Variants in CCND1 observed in about 807,000 individuals in gnomAD.
CCND1 encodes the protein cyclin D1.
CCND1 carries 9 observed loss-of-function variants against 26.1 expected under a neutral mutation model. The ratio of observed to expected loss-of-function variants is 0.35; its 90% confidence interval spans 0.21 to 0.60. The LOEUF (loss-of-function observed/expected upper bound fraction) is 0.60. Ranked by LOEUF, CCND1 falls within the 20% of genes least tolerant of loss-of-function variation. The probability of loss-of-function intolerance (pLI) is 0.79; values close to 1 mark genes in which losing one functional copy is unlikely to be tolerated. For synonymous variants in CCND1, 194 were observed against 166.1 expected, an observed-to-expected ratio of 1.17 and a Z score of -1.29; for missense variants, 335 against 392.9, an observed-to-expected ratio of 0.85 and a Z score of 1.25.
chr11:69,642,126 G>C (rs1356339467), intron 1 of CCND1, among the ~76,000 whole-genome samples: 1 of 152,126 alleles, frequency 6.6e-6, no homozygotes, highest in Non-Finnish European at 1.5e-5. Context: ...GGTAGTTTTG[G>C]GGGGACGCCG....
In CCND1 at chr11:69,654,145, G is replaced by T; in HGVS notation, c.*2863G>T. 1 of 456,974 alleles carries T rather than the reference G, an allele frequency of 2.2e-6. No individual in the cohort carries two copies. The highest frequency in any genetic ancestry group is 1.6e-5 in the South Asian group (1 of 62,146). The allele number at this position is 456,974 out of a possible 1,614,324, so 28.3% of individuals were successfully genotyped here. A position where few individuals can be genotyped will look rare whatever the true frequency, so the allele number is the denominator to read the frequency against. On this transcript the variant is annotated 3_prime_UTR_variant, in exon 5 of 5. Coordinates refer to ENST00000227507, the MANE Select transcript of CCND1 (RefSeq NM_053056.3). The surrounding 1 kb of genome is among the most constrained non-coding windows in gnomAD (Gnocchi z 6.3). ...ACCCCGCCCCACCCCTCCAGAACAC[G>T]GCTCACGCTTACCTCAACCATCCTG... is the stretch of plus-strand genomic sequence containing the variant.
Position 69,646,168 on chromosome 11 carries a change from C to T in CCND1, c.575-1826C>T, listed in dbSNP as rs527365813. 2.6e-3 allele frequency among the ~76,000 whole-genome samples: 400 copies of T among 152,304 alleles called. 1 individual carries two copies. The highest frequency in any genetic ancestry group is 7.4e-3 in the African/African-American group (307 of 41,566). On this transcript the variant is annotated intron_variant, in intron 3 of 4. Transcript: ENST00000227507. The stretch of plus-strand genomic sequence containing the variant: ...AGGTGCGGAGCCAGCTAGAACCTGT[C>T]GCTCCCTGCAGAAGCGGTTTCTGTG...
Position 69,644,006 on chromosome 11 carries a change from G to A in CCND1, c.574+15G>A, listed in dbSNP as rs758720750. On this transcript the variant is annotated intron_variant, in intron 3 of 4. Coordinates refer to ENST00000227507, the MANE Select transcript of CCND1 (RefSeq NM_053056.3). ...CTGTGCCACAGGTAGGGCAGGCCCG[G>A]CAGCCCCCGGCCTCCCCTTGAGAGC... The A allele has an allele frequency of 6.2e-7, 1 of 1,612,844 alleles. No individual in the cohort carries two copies. The highest frequency in any genetic ancestry group is 8.5e-7 in the Non-Finnish European group (1 of 1,179,834).
At chr11:69,649,372 G>C (rs577248325) in intron 4 of CCND1, among the ~76,000 whole-genome samples, 1 of 152,286 alleles carries the variant, frequency 6.6e-6, no homozygotes, top group East Asian at 1.9e-4. Context: ...TATTTGAGTA[G>C]AGACCATCTT....
intron 3 of CCND1, among the ~76,000 whole-genome samples, chr11:69,644,373 A>C (rs1004232833): frequency 5.3e-5 from 8 of 152,146 alleles, no homozygotes; most frequent in African/African-American, 1.9e-4. Flanking sequence ...TGTGTCCTTA[A>C]GGAGCCTGAG....
At chr11:69,649,679 G>A (rs1168845601) in intron 4 of CCND1, among the ~76,000 whole-genome samples, 1 of 152,176 alleles carries the variant, frequency 6.6e-6, no homozygotes, top group Non-Finnish European at 1.5e-5. Flanking sequence ...TGTCCACCGG[G>A]GTAGCCTTGC....
chr11:69,643,534 G>A (rs940595056), intron 2 of CCND1, among the ~76,000 whole-genome samples: 1 of 152,250 alleles, frequency 6.6e-6, no homozygotes, highest in Non-Finnish European at 1.5e-5. Context: ...GAGGAGCGCC[G>A]CGCTCGGCGC....
Position 69,643,109 on chromosome 11 carries a change from C to A in CCND1, c.277C>A (p.Pro93Thr), listed in dbSNP as rs1359042394. The change falls in exon 2 of 5, where the codon CCC becomes ACC. Residue 93 changes from proline to threonine, a missense_variant. Pro to Thr is a conservative substitution (Grantham distance 38). Transcript: ENST00000227507. ...NYLDRFLSLE[P>T]VKKSRLQLLG... Reference sequence around the variant, plus strand: ...CCTGGACCGCTTCCTGTCGCTGGAGCCCGTGAAAAAGAGCCGCCTGCAGCT... The same window carrying A: ...CCTGGACCGCTTCCTGTCGCTGGAGACCGTGAAAAAGAGCCGCCTGCAGCT... 2 of 1,611,130 alleles carry A rather than the reference C, an allele frequency of 1.2e-6. No individual in the cohort carries two copies. The highest frequency in any genetic ancestry group is 1.7e-6 in the Non-Finnish European group (2 of 1,179,094).
At chr11:69,646,414 C>G (rs3212870) in intron 3 of CCND1, among the ~76,000 whole-genome samples, 1 of 152,042 alleles carries the variant, frequency 6.6e-6, no homozygotes, top group East Asian at 1.9e-4. Context: ...TTAACAAGGC[C>G]GAAGTTGTTT....
intron 4 of CCND1, among the ~76,000 whole-genome samples, chr11:69,649,883 G>C (rs975927852): frequency 2.6e-5 from 4 of 152,202 alleles, no homozygotes; most frequent in Non-Finnish European, 4.4e-5. Context: ...TCTCACCCCA[G>C]GCCTCTGGCC....
chr11:69,646,449 T>A (rs1258226298), intron 3 of CCND1, among the ~76,000 whole-genome samples: 2 of 152,176 alleles, frequency 1.3e-5, no homozygotes, highest in Non-Finnish European at 2.9e-5. Context: ...AAGTCTCGGA[T>A]GGGCCGCCAC....
In CCND1 at chr11:69,651,745, A is replaced by G. The variant is rs1481230545; in HGVS notation, c.*463A>G. 5.1e-5 allele frequency: 12 copies of G among 234,034 alleles called. No individual in the cohort carries two copies. The highest frequency in any genetic ancestry group is 4.5e-4 in the Admixed American group (8 of 17,808). 14.5% of individuals were successfully genotyped at this position (234,034 alleles called of 1,614,324 possible). A position where few individuals can be genotyped will look rare whatever the true frequency, so the allele number is the denominator to read the frequency against. On this transcript the variant is annotated 3_prime_UTR_variant, in exon 5 of 5. Transcript: ENST00000227507. The stretch of plus-strand genomic sequence containing the variant: ...AAAACATAGAAAAATTCAGCAAACC[A>G]TTTTTAAAGTAGAAGAGGGTTTTAG...
chr11:69,650,526 G>A (rs540493071), intron 4 of CCND1, among the ~76,000 whole-genome samples: 36 of 152,332 alleles, frequency 2.4e-4, no homozygotes, highest in African/African-American at 8.4e-4. Context: ...GATGCATGCT[G>A]TGCCAGGCTG....
intron 3 of CCND1, among the ~76,000 whole-genome samples, chr11:69,646,583 A>T (rs1855784057): frequency 6.6e-6 from 1 of 152,136 alleles, no homozygotes; most frequent in Non-Finnish European, 1.5e-5. Context: ...GCCGACAAAG[A>T]TGCCACACTC....
chr11:69,650,457 TC>T (rs1168286104), intron 4 of CCND1, among the ~76,000 whole-genome samples: 1 of 152,142 alleles, frequency 6.6e-6, no homozygotes, highest in Non-Finnish European at 1.5e-5. Flanking sequence ...GTGCAGGACT[TC>T]CAGGAGCGTC....
chr11:69,650,184 G>T (rs1855836477), intron 4 of CCND1, among the ~76,000 whole-genome samples: 1 of 152,212 alleles, frequency 6.6e-6, no homozygotes, highest in African/African-American at 2.4e-5. Context: ...TCTGTTTCCT[G>T]GGCTGCCTAG....
chr11:69,646,759 AG>A (rs1335342093), intron 3 of CCND1, among the ~76,000 whole-genome samples: 1 of 151,882 alleles, frequency 6.6e-6, no homozygotes, highest in African/African-American at 2.4e-5. Context: ...GACTGCCCTG[AG>A]GAGGGGAGGC....
In CCND1 at chr11:69,654,279, T is replaced by A. The variant is rs940411341; in HGVS notation, c.*2997T>A. 7.1e-6 allele frequency: 5 copies of A among 702,568 alleles called. No homozygotes were observed. The highest frequency in any genetic ancestry group is 3.5e-5 in the African/African-American group (2 of 57,376). The allele number at this position is 702,568 out of a possible 1,614,324, so 43.5% of individuals were successfully genotyped here. On this transcript the variant is annotated 3_prime_UTR_variant, in exon 5 of 5. Coordinates refer to ENST00000227507, the MANE Select transcript of CCND1 (RefSeq NM_053056.3). The surrounding 1 kb of genome is among the most constrained non-coding windows in gnomAD (Gnocchi z 6.3). ...TTGTGTGTATCGAGAGGCCAAAGGCTGGTGGCAAGTGCACGGGGCACAGCG... is the reference window on the plus strand; with the variant it reads ...TTGTGTGTATCGAGAGGCCAAAGGCAGGTGGCAAGTGCACGGGGCACAGCG...
At chr11:69,643,486 C>A (rs1334191041) in intron 2 of CCND1, among the ~76,000 whole-genome samples, 2 of 152,238 alleles carry the variant, frequency 1.3e-5, no homozygotes, top group Admixed American at 1.3e-4. Context: ...CGCGGTGTGG[C>A]CGAAAAGTGG....
Sources: allele counts gnomAD v4.1 joint callset (sites outside exome capture counted in the v4.1 genomes callset), GRCh38; gene constraint gnomAD v4.1.1; non-coding constraint Gnocchi (gnomAD v3.1); transcripts MANE v1.5; gene names NCBI Gene and HGNC (gene_info 2026-07-23, HGNC 2026-07-21).